The following PRKAR1B variants were observed in gnomAD, a reference collection of about 807,000 sequenced individuals.
PRKAR1B encodes the protein cAMP-dependent protein kinase type I-beta regulatory subunit.
Under a neutral mutation model 46.5 loss-of-function variants are expected in PRKAR1B, and 22 were observed. The ratio of observed to expected loss-of-function variants is 0.47; its 90% CI spans 0.34 to 0.68. The LOEUF (loss-of-function observed/expected upper bound fraction) is 0.68. PRKAR1B is among the 30% of genes least tolerant of loss of function. PRKAR1B has a pLI of 0.01. For missense variants in PRKAR1B, 445 were observed against 535.6 expected (o/e 0.83, Z 1.67); for synonymous variants, 259 against 217.7 (o/e 1.19, Z -1.67).
At chr7:630,609 T>C (rs1041276319) in intron 4 of PRKAR1B, among the ~76,000 whole-genome samples, 1 of 152,204 alleles carries the variant, frequency 6.6e-6, no homozygotes, top group African/African-American at 2.4e-5. Flanking sequence ...CCAAAGGCCA[T>C]ACGGGTGAGG....
intron 6 of PRKAR1B, among the ~76,000 whole-genome samples, chr7:601,440 G>A (rs1781588795): frequency 6.6e-6 from 1 of 152,224 alleles, no homozygotes; most frequent in African/African-American, 2.4e-5. Context: ...TAATACATAT[G>A]CCCATAACTC....
At chr7:550,652 G>A (rs1430190872) in intron 10 of PRKAR1B, 50 bp from the exon 11 acceptor site, 7 of 1,449,300 alleles carry the variant, frequency 4.8e-6, no homozygotes, top group East Asian at 2.3e-5. Flanking sequence ...TCCTGAGGCT[G>A]CAGCAGGGAA....
At chr7:556,226 C>T (rs991333150) in intron 9 of PRKAR1B, among the ~76,000 whole-genome samples, 2 of 152,138 alleles carry the variant, frequency 1.3e-5, no homozygotes, top group African/African-American at 2.4e-5. Flanking sequence ...CCAAGAGTGA[C>T]TGGACACCCA....
intron 4 of PRKAR1B, among the ~76,000 whole-genome samples, chr7:649,679 G>T (rs573512212): frequency 6.6e-6 from 1 of 152,078 alleles, no homozygotes; most frequent in Admixed American, 6.6e-5. Flanking sequence ...AGACCCAAGC[G>T]ATCCTCCCAT....
chr7:723,215 T>C (rs548558225), intron 1 of PRKAR1B, among the ~76,000 whole-genome samples: 41 of 152,334 alleles, frequency 2.7e-4, no homozygotes, highest in African/African-American at 9.6e-4. Flanking sequence ...CACAGGTTAA[T>C]GCACCTGCAG....
chr7:679,498 A>G (rs1778534441), intron 3 of PRKAR1B, among the ~76,000 whole-genome samples: 1 of 152,236 alleles, frequency 6.6e-6, no homozygotes, highest in Non-Finnish European at 1.5e-5. Context: ...GGAGTGCCCT[A>G]ATAAATTTTT....
chr7:689,468 T>A (rs1399265700), intron 2 of PRKAR1B, among the ~76,000 whole-genome samples: 2 of 152,026 alleles, frequency 1.3e-5, no homozygotes, highest in Non-Finnish European at 1.5e-5. Context: ...AACATAATAA[T>A]AAACAAAAAA....
intron 4 of PRKAR1B, among the ~76,000 whole-genome samples, chr7:625,669 C>T (rs188674571): frequency 3.4e-4 from 51 of 152,144 alleles, no homozygotes; most frequent in African/African-American, 1.2e-3. Flanking sequence ...ACAAGGGACA[C>T]CACTACAGGT....
At chr7:568,844 C>T (rs1182376145) in intron 9 of PRKAR1B, among the ~76,000 whole-genome samples, 1 of 152,176 alleles carries the variant, frequency 6.6e-6, no homozygotes, top group Non-Finnish European at 1.5e-5. Flanking sequence ...CTGCATTCCA[C>T]ATCTGTCTCG....
At position 644,839 on chromosome 7, in the gene PRKAR1B, C is replaced by T. The variant is rs79182714; in HGVS notation, c.440+32390G>A. 2.3e-3 allele frequency among the ~76,000 whole-genome samples: 346 copies of T among 152,262 alleles called. 1 individual carries two copies. The highest frequency in any genetic ancestry group is 7.8e-3 in the African/African-American group (326 of 41,562). On this transcript the variant is annotated intron_variant, in intron 4 of 10. Coordinates refer to ENST00000537384, the MANE Select transcript of PRKAR1B (RefSeq NM_001164760.2). The surrounding 1 kb of genome is among the most constrained non-coding windows in gnomAD (Gnocchi z 4.9). ...AAGAGGCTGGACCGGGCAGTGCCGT[C>T]GGCCAAAGGGTCCCGTGTGCTGCAG...
chr7:662,886 A>G (rs1301757781), intron 4 of PRKAR1B, among the ~76,000 whole-genome samples: 1 of 152,172 alleles, frequency 6.6e-6, no homozygotes, highest in Non-Finnish European at 1.5e-5. Flanking sequence ...CGGAGCGGCC[A>G]CAGCAGGGGC....
intron 4 of PRKAR1B, among the ~76,000 whole-genome samples, chr7:663,603 G>A (rs569697702): frequency 5.3e-5 from 8 of 152,106 alleles, no homozygotes; most frequent in Non-Finnish European, 1.0e-4. Context: ...GGGAGGGGAC[G>A]GCTGTGTCCC....
At chr7:556,077 C>T (rs1041421248) in intron 9 of PRKAR1B, among the ~76,000 whole-genome samples, 1 of 152,200 alleles carries the variant, frequency 6.6e-6, no homozygotes, top group Non-Finnish European at 1.5e-5. Flanking sequence ...ACGAATTTTG[C>T]TTCAAGGACG....
intron 4 of PRKAR1B, among the ~76,000 whole-genome samples, chr7:616,253 G>A (rs1782818367): frequency 6.6e-6 from 1 of 152,242 alleles, no homozygotes. Context: ...ACAAAACGAG[G>A]TCACTCCGGA....
intron 1 of PRKAR1B, among the ~76,000 whole-genome samples, chr7:719,954 T>A (rs995352031): frequency 6.6e-6 from 1 of 152,102 alleles, no homozygotes; most frequent in African/African-American, 2.4e-5. Context: ...CTGAGTAGAA[T>A]AACTGTCTAA....
At chr7:727,761 C>T (rs1781405524), upstream of PRKAR1B, 2 of 122,194 alleles carry the variant, frequency 1.6e-5, no homozygotes, top group South Asian at 3.4e-4. Flanking sequence ...CCTGTGCCAT[C>T]CTCCTCCTTG....
intron 2 of PRKAR1B, among the ~76,000 whole-genome samples, chr7:700,985 C>A (rs1397408999): frequency 6.6e-6 from 1 of 151,950 alleles, no homozygotes. Flanking sequence ...GTCAGGAGTT[C>A]GAGAGCAGCC....
At chr7:708,280 T>C (rs1268470645) in intron 2 of PRKAR1B, among the ~76,000 whole-genome samples, 2 of 152,144 alleles carry the variant, frequency 1.3e-5, no homozygotes, top group Non-Finnish European at 2.9e-5. Flanking sequence ...CCAATACACC[T>C]TGATCTCAGA....
At chr7:700,034 G>A (rs535384566) in intron 2 of PRKAR1B, among the ~76,000 whole-genome samples, 1 of 152,260 alleles carries the variant, frequency 6.6e-6, no homozygotes, top group East Asian at 1.9e-4. Flanking sequence ...CCAGAGGTAG[G>A]ATCTCTCTTG....
Sources: gnomAD v4.1 joint callset for allele counts (sites outside exome capture counted in the v4.1 genomes callset) on GRCh38, gnomAD v4.1.1 for gene constraint, Gnocchi (gnomAD v3.1) non-coding constraint, MANE v1.5 for transcripts, NCBI Gene and HGNC (gene_info 2026-07-23, HGNC 2026-07-21) for gene names.